Variants in RPIA observed in about 807,000 individuals in gnomAD.
The protein encoded by RPIA is ribose-5-phosphate isomerase.
A neutral mutation model predicts 37.8 loss-of-function variants in RPIA; 29 were observed. That is an observed-to-expected ratio of 0.77 (90% CI 0.57 to 1.05). The LOEUF (loss-of-function observed/expected upper bound fraction) is 1.05, where lower values mean the gene tolerates loss of function less well. RPIA is among the 50% of genes least tolerant of loss of function. The pLI is 0.00. For missense variants in RPIA, 385 were observed against 413.6 expected (o/e 0.93, Z 0.60); for synonymous variants, 167 against 157.0 (o/e 1.06, Z -0.48).
At chr2:88,718,858 A>T (rs1673068553) in intron 3 of RPIA, among the ~76,000 whole-genome samples, 1 of 152,216 alleles carries the variant, frequency 6.6e-6, no homozygotes, top group Non-Finnish European at 1.5e-5. Context: ...ATACTTTACT[A>T]AATTGTTAAA....
chr2:88,707,132 A>G (rs141597066), intron 3 of RPIA, among the ~76,000 whole-genome samples: 23 of 152,296 alleles, frequency 1.5e-4, no homozygotes, highest in South Asian at 4.1e-4. Context: ...GACGCATGCA[A>G]TTTTCCATCA....
chr2:88,719,179 T>A (rs1673072898), intron 3 of RPIA, among the ~76,000 whole-genome samples: 1 of 152,192 alleles, frequency 6.6e-6, no homozygotes. Context: ...TTGTCATGGA[T>A]GACAAAAAGT....
At chr2:88,727,229 G>C (rs551274007) in intron 3 of RPIA, among the ~76,000 whole-genome samples, 2 of 152,138 alleles carry the variant, frequency 1.3e-5, no homozygotes, top group Non-Finnish European at 2.9e-5. Flanking sequence ...CATCACCTCC[G>C]CTTTGTGCCA....
intron 3 of RPIA, among the ~76,000 whole-genome samples, chr2:88,714,774 G>A (rs1443817016): frequency 6.6e-6 from 1 of 152,218 alleles, no homozygotes; most frequent in Non-Finnish European, 1.5e-5. Context: ...ATGAGAGAAA[G>A]TGCAGCATCT....
At chr2:88,733,396 CAG>C (rs1673276524) in intron 4 of RPIA, among the ~76,000 whole-genome samples, 1 of 152,140 alleles carries the variant, frequency 6.6e-6, no homozygotes, top group South Asian at 2.1e-4. Context: ...ATGGGCCTCA[CAG>C]GGGTTAGTAA....
At chr2:88,732,740 A>AT (rs1455492405) in intron 4 of RPIA, among the ~76,000 whole-genome samples, 1 of 140,446 alleles carries the variant, frequency 7.1e-6, no homozygotes, top group East Asian at 2.1e-4. Context: ...AAAAAAAAAA[A>AT]AAAAAAAAAA....
chr2:88,715,572 A>G (rs1673024230), intron 3 of RPIA, among the ~76,000 whole-genome samples: 1 of 152,198 alleles, frequency 6.6e-6, no homozygotes, highest in Non-Finnish European at 1.5e-5. Context: ...GTGCAGCCTG[A>G]TTAATGCTTA....
intron 3 of RPIA, among the ~76,000 whole-genome samples, chr2:88,720,970 G>A (rs915866902): frequency 2.6e-5 from 4 of 152,136 alleles, no homozygotes; most frequent in Non-Finnish European, 4.4e-5. Context: ...CAGCCCAAAT[G>A]CCCATCAATA....
chr2:88,748,463 C>T (rs984061692), intron 8 of RPIA, among the ~76,000 whole-genome samples: 1 of 152,132 alleles, frequency 6.6e-6, no homozygotes, highest in African/African-American at 2.4e-5. Context: ...TTCAGATTGC[C>T]GTCTGTAGCT....
chr2:88,720,016 A>T (rs995440856), intron 3 of RPIA, among the ~76,000 whole-genome samples: 1 of 152,120 alleles, frequency 6.6e-6, no homozygotes, highest in Non-Finnish European at 1.5e-5. Context: ...TGAGGAGTTG[A>T]ATAGCTTTAA....
intron 4 of RPIA, among the ~76,000 whole-genome samples, chr2:88,729,987 C>A: frequency 3.4e-5 from 1 of 29,250 alleles, no homozygotes; most frequent in East Asian, 6.3e-4. Context: ...GAAATGGATA[C>A]ATTCCTCGAC....
chr2:88,735,855 C>A, intron 6 of RPIA, 118 bp downstream of exon 6: 1 of 979,678 alleles, frequency 1.0e-6, no homozygotes, highest in Non-Finnish European at 1.7e-6. Context: ...CTTTCTGAGA[C>A]TGATGGCTAG....
At chr2:88,727,710 G>C (rs1673216434) in intron 3 of RPIA, among the ~76,000 whole-genome samples, 1 of 152,166 alleles carries the variant, frequency 6.6e-6, no homozygotes, top group African/African-American at 2.4e-5. Context: ...AAAAGGACGT[G>C]ATCTCTCTCT....
chr2:88,692,022 T>C, intron 1 of RPIA, 39 bp downstream of exon 1: 1 of 1,547,266 alleles, frequency 6.5e-7, no homozygotes, highest in Admixed American at 1.9e-5. Context: ...GCGCATGTCC[T>C]TGGCGTGATG....
At chr2:88,705,736 G>T (rs907757626) in intron 3 of RPIA, among the ~76,000 whole-genome samples, 1 of 152,076 alleles carries the variant, frequency 6.6e-6, no homozygotes. Flanking sequence ...GAGCTTCTGC[G>T]CAGCAAAAGA....
At chr2:88,725,131 C>T (rs1673179580) in intron 3 of RPIA, among the ~76,000 whole-genome samples, 2 of 152,058 alleles carry the variant, frequency 1.3e-5, no homozygotes, top group South Asian at 2.1e-4. Context: ...CCAGAAGAGG[C>T]AGGCAGGGGT....
At chr2:88,710,853 T>C (rs1346876461) in intron 3 of RPIA, among the ~76,000 whole-genome samples, 1 of 152,246 alleles carries the variant, frequency 6.6e-6, no homozygotes, top group East Asian at 1.9e-4. Flanking sequence ...GTGTTGCTTA[T>C]GAGCTTCACT....
chr2:88,717,287 C>T (rs1444328144), intron 3 of RPIA, among the ~76,000 whole-genome samples: 2 of 152,070 alleles, frequency 1.3e-5, no homozygotes, highest in African/African-American at 4.8e-5. Context: ...AGGACATGTG[C>T]CTGTGACACA....
At chr2:88,722,872 T>C (rs927073651) in intron 3 of RPIA, among the ~76,000 whole-genome samples, 1 of 152,214 alleles carries the variant, frequency 6.6e-6, no homozygotes, top group East Asian at 1.9e-4. Flanking sequence ...ACCTCTAGAC[T>C]GTTTTTGGTA....
Sources: allele counts gnomAD v4.1 joint callset (sites outside exome capture counted in the v4.1 genomes callset), GRCh38; gene constraint gnomAD v4.1.1; transcripts MANE v1.5; gene names NCBI Gene and HGNC (gene_info 2026-07-23, HGNC 2026-07-21).